The following PLEKHS1 variants were observed in gnomAD, a reference collection of about 807,000 sequenced individuals.
PLEKHS1 encodes pleckstrin homology domain containing S1.
Under a neutral mutation model 51.0 loss-of-function variants are expected in PLEKHS1, and 55 were observed. That is an observed-to-expected ratio of 1.08 (90% CI 0.87 to 1.35). PLEKHS1 has a LOEUF of 1.35. Ranked by LOEUF, PLEKHS1 falls within the 40% of genes most tolerant of loss-of-function variation. The probability of loss-of-function intolerance (pLI) is 0.00; values close to 1 mark genes in which losing one functional copy is unlikely to be tolerated. For missense variants in PLEKHS1, 398 were observed against 423.0 expected (o/e 0.94, Z 0.52); for synonymous variants, 153 against 144.8 (o/e 1.06, Z -0.41).
chr10:113,777,385 T>G (rs1234731931), intron 11 of PLEKHS1, 126 bp downstream of exon 12: 1 of 1,610,152 alleles, frequency 6.2e-7, no homozygotes. Flanking sequence ...CACCATCAAG[T>G]GCAAATAACA....
chr10:113,768,032 T>C (rs189992850), intron 5 of PLEKHS1, among the ~76,000 whole-genome samples: 17 of 152,306 alleles, frequency 1.1e-4, no homozygotes, highest in Admixed American at 1.3e-4. Flanking sequence ...AGTATTGGGA[T>C]ACGGAACTGA....
At chr10:113,755,543 T>A in intron 2 of PLEKHS1, 1 of 641,440 alleles carries the variant, frequency 1.6e-6, no homozygotes, top group Non-Finnish European at 2.2e-6. Context: ...GAGCTGGCAC[T>A]ACAGGCATAT....
chr10:113,754,541 C>T (rs748947935), intron 1 of PLEKHS1, among the ~76,000 whole-genome samples: 12 of 152,084 alleles, frequency 7.9e-5, no homozygotes, highest in Non-Finnish European at 1.3e-4. Context: ...GGAGTGATCT[C>T]GGCTCACTGC....
At chr10:113,779,073 G>A (rs1490007281) in intron 11 of PLEKHS1, among the ~76,000 whole-genome samples, 1 of 152,214 alleles carries the variant, frequency 6.6e-6, no homozygotes, top group East Asian at 1.9e-4. Flanking sequence ...TACAGTGTGT[G>A]CCCTGAGATA....
In PLEKHS1 at chr10:113,763,341, G is replaced by A. The variant is rs985650413; in HGVS notation, c.29-3070G>A. On this transcript the variant is annotated intron_variant, in intron 2 of 11. Coordinates refer to ENST00000361048, the Ensembl canonical transcript of PLEKHS1. ...CCACTTGTATCTTCATCTTTAAAGTGTGTTTCTTACAGGCAGCATAGAGTT... is the reference window on the plus strand; with the variant it reads ...CCACTTGTATCTTCATCTTTAAAGTATGTTTCTTACAGGCAGCATAGAGTT... Among the ~76,000 whole-genome samples, 9 of 152,226 alleles carry A rather than the reference G, an allele frequency of 5.9e-5. No homozygotes were observed. In the East Asian group the frequency reaches 1.7e-3, roughly 29 times the overall value.
At position 113,755,225 on chromosome 10, in the gene PLEKHS1, T is replaced by C. The variant is rs1593003150; in HGVS notation, c.-19-34T>C. 6 of 1,578,082 alleles carry C rather than the reference T, an allele frequency of 3.8e-6. No individual in the cohort carries two copies. In the East Asian group the frequency reaches 1.2e-4, roughly 31 times the overall value. ...GGTCAATGAAACACACGTAGTGTTG[T>C]TTGGGGACTAACACTAACCCTTCCT... On this transcript the variant is annotated intron_variant, in intron 1 of 11. Transcript: ENST00000361048.
exon 7 of PLEKHS1, chr10:113,769,787 G>C (rs1844320196): frequency 6.2e-7 from 1 of 1,604,976 alleles, no homozygotes; most frequent in African/African-American, 1.3e-5. Flanking sequence ...TGAGCAGGAG[G>C]AACTCTCATT....
chr10:113,765,271 G>C, intron 2 of PLEKHS1: 3 of 689,026 alleles, frequency 4.4e-6, no homozygotes, highest in Non-Finnish European at 8.1e-6. Flanking sequence ...GTTTGGAGCA[G>C]TGCTCAGTGT....
chr10:113,756,448 G>A lies in PLEKHS1; in HGVS notation c.28+1143G>A, dbSNP rs549509817. ...TGCACTCCAGACTGGGTAACAGAGC[G>A]AGACTCTGTCTCAAAAAAATAAAAT... On this transcript the variant is annotated intron_variant, in intron 2 of 11. Coordinates refer to ENST00000361048, the Ensembl canonical transcript of PLEKHS1. Among the ~76,000 whole-genome samples the A allele has an allele frequency of 2.0e-4, 31 of 152,234 alleles. No individual in the cohort carries two copies. The South Asian group carries it at 3.9e-3, about 19-fold the overall frequency.
intron 1 of PLEKHS1, among the ~76,000 whole-genome samples, chr10:113,753,682 C>G (rs1469870500): frequency 4.6e-5 from 7 of 152,098 alleles, no homozygotes; most frequent in Non-Finnish European, 1.0e-4. Context: ...ATTCCAGGGT[C>G]CAGGAAAGCC....
chr10:113,766,394 CT>C lies in PLEKHS1; in HGVS notation c.29-16del. 6.9e-7 allele frequency: 1 copy of C among 1,439,202 alleles called. No individual in the cohort carries two copies. The highest frequency in any genetic ancestry group is 2.3e-5 in the East Asian group (1 of 44,144). 89.2% of individuals were successfully genotyped at this position (1,439,202 alleles called of 1,614,324 possible). A position where few individuals can be genotyped will look rare whatever the true frequency, so the allele number is the denominator to read the frequency against. On this transcript the variant is annotated splice_polypyrimidine_tract_variant and intron_variant, in intron 2 of 11. Transcript: ENST00000361048. Reference sequence around the variant, plus strand: ...AAATTTATGAGGAACAAACTGAGTTCTGTTCACTTTTATTAGGCAAACAATT... The same window carrying C: ...AAATTTATGAGGAACAAACTGAGTTCGTTCACTTTTATTAGGCAAACAATT...
chr10:113,755,219 GTGT>G (rs1370829978), intron 1 of PLEKHS1, 37 bp from the exon 2 acceptor site: 16 of 1,567,452 alleles, frequency 1.0e-5, no homozygotes, highest in Non-Finnish European at 1.4e-5. Flanking sequence ...AACACACGTA[GTGT>G]TGTTTGGGGA....
At chr10:113,752,268 A>G (rs745935479) in intron 1 of PLEKHS1, among the ~76,000 whole-genome samples, 2 of 152,220 alleles carry the variant, frequency 1.3e-5, no homozygotes, top group Admixed American at 1.3e-4. Context: ...GCATTGTATC[A>G]TTGTGAAAAC....
In PLEKHS1 at chr10:113,774,207, T is replaced by G. The variant is rs1844546604; in HGVS notation, c.673-20T>G. On this transcript the variant is annotated intron_variant, in intron 8 of 11. Coordinates refer to ENST00000361048, the Ensembl canonical transcript of PLEKHS1. ...TTATCGGTAAACTGGGATTCTTACA[T>G]CTATTCCTTTTATCTGCAGTTGGAT... 1 of 1,454,450 alleles carries G rather than the reference T, an allele frequency of 6.9e-7. No homozygotes were observed. Among genetic ancestry groups the G allele is most frequent in the African/African-American group, 1.4e-5 (1 of 70,798 alleles). The allele number at this position is 1,454,450 out of a possible 1,614,324, so 90.1% of individuals were successfully genotyped here.
At chr10:113,777,248 A>C (rs1311341674) in intron 11 of PLEKHS1, 1 of 1,612,750 alleles carries the variant, frequency 6.2e-7, no homozygotes, top group Non-Finnish European at 8.5e-7. Context: ...TACCCGGTCC[A>C]TCCAGAAGGA....
In PLEKHS1 at chr10:113,775,044, C is replaced by A; in HGVS notation, c.989+9C>A. On this transcript the variant is annotated intron_variant, in intron 10 of 11. Transcript: ENST00000361048. ...TTGTCTATATTAATCAAGTAAAGCT[C>A]TAATTTCTAAAACTTGATGGGCCCT... The A allele has an allele frequency of 6.2e-7, 1 of 1,611,510 alleles. No homozygotes were observed. Among genetic ancestry groups the A allele is most frequent in the Non-Finnish European group, 8.5e-7 (1 of 1,177,962 alleles).
At chr10:113,763,849 T>C (rs1844049644) in intron 2 of PLEKHS1, among the ~76,000 whole-genome samples, 1 of 152,204 alleles carries the variant, frequency 6.6e-6, no homozygotes, top group Non-Finnish European at 1.5e-5. Flanking sequence ...AGAAAATAAT[T>C]TCATACATTT....
chr10:113,778,082 A>C, intron 11 of PLEKHS1: 1 of 178,772 alleles, frequency 5.6e-6, no homozygotes, highest in Non-Finnish European at 1.2e-5. Context: ...CCTGCATATC[A>C]CTGCAGTCTT....
chr10:113,752,102 A>G (rs1285289400), intron 1 of PLEKHS1, among the ~76,000 whole-genome samples: 1 of 152,222 alleles, frequency 6.6e-6, no homozygotes, highest in African/African-American at 2.4e-5. Context: ...AAGCAGAACT[A>G]TGAAAAGACT....
Sources: gnomAD v4.1 joint callset for allele counts (sites outside exome capture counted in the v4.1 genomes callset) on GRCh38, gnomAD v4.1.1 for gene constraint, MANE v1.5 for transcripts, NCBI Gene and HGNC (gene_info 2026-07-23, HGNC 2026-07-21) for gene names.